The following TESPA1 variants were observed in gnomAD, a reference collection of about 807,000 sequenced individuals.
TESPA1 encodes thymocyte expressed, positive selection associated 1, also known as protein TESPA1.
A neutral mutation model predicts 57.9 loss-of-function variants in TESPA1; 33 were observed. That is an observed-to-expected ratio of 0.57 (90% confidence interval 0.43 to 0.76). The LOEUF (loss-of-function observed/expected upper bound fraction) is 0.76, where lower values mean the gene tolerates loss of function less well. Ranked by LOEUF, TESPA1 falls within the 30% of genes least tolerant of loss-of-function variation. TESPA1 has a pLI of 0.00. For synonymous variants in TESPA1, 227 were observed against 228.9 expected (o/e 0.99, Z 0.07); for missense variants, 618 against 632.9 (o/e 0.98, Z 0.25).
intron 10 of TESPA1, among the ~76,000 whole-genome samples, chr12:54,955,872 T>C (rs1256159740): frequency 6.6e-6 from 1 of 152,212 alleles, no homozygotes. Flanking sequence ...AATTTCTTGA[T>C]GTCCTCCCAC....
intron 1 of TESPA1, among the ~76,000 whole-genome samples, chr12:54,982,965 G>C (rs560598410): frequency 6.6e-5 from 10 of 152,310 alleles, no homozygotes; most frequent in Admixed American, 5.9e-4. Flanking sequence ...AAGGCACACA[G>C]TACTGTGGGT....
At chr12:54,959,555 A>C (rs1054968071) in intron 10 of TESPA1, among the ~76,000 whole-genome samples, 3 of 152,234 alleles carry the variant, frequency 2.0e-5, no homozygotes, top group Admixed American at 6.5e-5. Context: ...AGACTGGTCC[A>C]TGCTGAGCAT....
intron 8 of TESPA1, 109 bp downstream of exon 8, chr12:54,963,633 C>A (rs1951228093): frequency 1.6e-6 from 2 of 1,219,510 alleles, no homozygotes; most frequent in South Asian, 1.5e-5. Flanking sequence ...ACACAATAGG[C>A]AAAGGGTTAA....
intron 4 of TESPA1, among the ~76,000 whole-genome samples, chr12:54,967,470 C>G (rs1951518814): frequency 6.6e-6 from 1 of 151,736 alleles, no homozygotes; most frequent in Non-Finnish European, 1.5e-5. Context: ...CACCTATAAC[C>G]TTTCCCCTAT....
At chr12:54,950,423 C>T (rs1171574172) in intron 10 of TESPA1, 33 bp from the exon 11 acceptor site, 1 of 435,926 alleles carries the variant, frequency 2.3e-6, no homozygotes, top group Admixed American at 2.5e-5. Context: ...ACATATCATG[C>T]ATTTTTTAAA....
intron 10 of TESPA1, among the ~76,000 whole-genome samples, chr12:54,957,585 T>C (rs1041434302): frequency 6.6e-6 from 1 of 152,212 alleles, no homozygotes; most frequent in Non-Finnish European, 1.5e-5. Context: ...AGAAATAGGT[T>C]ATAGCTTTGT....
intron 4 of TESPA1, 77 bp downstream of exon 4, chr12:54,967,766 A>C: frequency 6.6e-7 from 1 of 1,520,060 alleles, no homozygotes; most frequent in Non-Finnish European, 9.1e-7. Flanking sequence ...TATGTGCATA[A>C]ACACTCACAT....
chr12:54,968,517 A>G (rs1951594414), intron 3 of TESPA1, among the ~76,000 whole-genome samples: 1 of 152,260 alleles, frequency 6.6e-6, no homozygotes, highest in Non-Finnish European at 1.5e-5. Flanking sequence ...TTTACAAACA[A>G]GGAAGAAATT....
intron 10 of TESPA1, among the ~76,000 whole-genome samples, chr12:54,959,437 A>AT (rs1950944875): frequency 6.6e-6 from 1 of 152,120 alleles, no homozygotes; most frequent in Non-Finnish European, 1.5e-5. Flanking sequence ...ACACTAGGGG[A>AT]TTTTTCTCCA....
Position 54,962,771 on chromosome 12 carries a change from A to G in TESPA1, c.1127T>C (p.Leu376Pro), listed in dbSNP as rs867978279. 6 of 1,613,828 alleles carry G rather than the reference A, an allele frequency of 3.7e-6. No individual in the cohort carries two copies. The African/African-American group carries it at 8.0e-5, about 22-fold the overall frequency. ...CGAATCCAGAGTTTGGGATGGTGCT[A>G]GCACTGTGGACATCCTCTGCTGTGT... ...EETQQRMSTV[L>P]APSQTLDSNP... The change falls in exon 9 of 11, where the codon CTA becomes CCA. Residue 376 changes from leucine (L) to proline (P), a missense_variant. Coordinates refer to ENST00000449076, the MANE Select transcript of TESPA1 (RefSeq NM_001136030.3).
At chr12:54,961,025 A>T in intron 10 of TESPA1, 143 bp downstream of exon 10, 1 of 962,298 alleles carries the variant, frequency 1.0e-6, no homozygotes, top group Non-Finnish European at 1.6e-6. Context: ...CTGGAAGCTT[A>T]AAATAATTAG....
intron 1 of TESPA1, among the ~76,000 whole-genome samples, chr12:54,977,189 A>G (rs937177639): frequency 1.3e-5 from 2 of 152,102 alleles, no homozygotes; most frequent in Admixed American, 6.5e-5. Flanking sequence ...TGGGTCATTT[A>G]CTGCTGTGTT....
At chr12:54,984,791 A>G (rs1013287184), upstream of TESPA1, 3 of 152,436 alleles carry the variant, frequency 2.0e-5, no homozygotes, top group African/African-American at 7.2e-5. Flanking sequence ...ACATCCACAC[A>G]TGTAGATGCA....
At position 54,962,514 on chromosome 12, in the gene TESPA1, G is replaced by T. The variant is rs187244716; in HGVS notation, c.1384C>A (p.Gln462Lys). Residue 462 changes from glutamine (Q) to lysine (K), a missense_variant, in exon 9 of 11, where the codon CAG (glutamine) becomes AAG (lysine). Physicochemically the swap from Gln to Lys is moderately conservative, Grantham distance 53 (BLOSUM62 1). This residue lies in a region of TESPA1 where 409 missense variants were observed against 420.1 expected (regional missense o/e 0.97). Transcript: ENST00000449076. The stretch of plus-strand genomic sequence containing the variant: ...CTGTCTACACTCTGCTTCCATTTCT[G>T]CTGGGTGATGGACAGGTCCAAGGAC... Reference protein sequence around the residue: ...VKSLDLSITQQKWKQSVDRPE... With the variant: ...VKSLDLSITQKKWKQSVDRPE... 6.2e-7 allele frequency: 1 copy of T among 1,613,526 alleles called. No homozygotes were observed. Among genetic ancestry groups the T allele is most frequent in the East Asian group, 2.2e-5 (1 of 44,872 alleles).
At position 54,962,838 on chromosome 12, in the gene TESPA1, G is replaced by T. The variant is rs764336520; in HGVS notation, c.1060C>A (p.Pro354Thr). 1 of 1,613,800 alleles carries T rather than the reference G, an allele frequency of 6.2e-7. No individual in the cohort carries two copies. The highest frequency in any genetic ancestry group is 8.5e-7 in the Non-Finnish European group (1 of 1,179,798). The part of the protein sequence containing the change: ...PVPPAEGKKL[P>T]TSPYPCVFCC... ...AAGACACATGGATAGGGAGAAGTGG[G>T]CAACTTCTTACCCTCAGCAGGGGGC... The change falls in exon 9 of 11, where the codon CCC becomes ACC. Residue 354 changes from proline to threonine, a missense_variant. Physicochemically the swap from Pro to Thr is conservative, Grantham distance 38. This residue lies in a region of TESPA1 where 409 missense variants were observed against 420.1 expected (regional missense o/e 0.97). Transcript: ENST00000449076.
chr12:54,951,579 A>C (rs1446250844), intron 10 of TESPA1, among the ~76,000 whole-genome samples: 1 of 152,154 alleles, frequency 6.6e-6, no homozygotes, highest in Non-Finnish European at 1.5e-5. Flanking sequence ...AACATTTCTT[A>C]TTCACTTTTC....
Position 54,962,774 on chromosome 12 carries a change from A to G in TESPA1, c.1124T>C (p.Val375Ala). The G allele has an allele frequency of 6.2e-7, 1 of 1,613,940 alleles. No homozygotes were observed. Among genetic ancestry groups the G allele is most frequent in the South Asian group, 1.1e-5 (1 of 91,072 alleles). ...ATCCAGAGTTTGGGATGGTGCTAGC[A>G]CTGTGGACATCCTCTGCTGTGTTTC... ...EEETQQRMST[V>A]LAPSQTLDSN... The change falls in exon 9 of 11, where the codon GTG becomes GCG. Residue 375 changes from valine to alanine, a missense_variant. Physicochemically the swap from Val to Ala is moderately conservative, Grantham distance 64 (BLOSUM62 0). Around this residue, in one of 3 missense-constraint regions of TESPA1, gnomAD observed 409 missense variants for 420.1 expected, o/e 0.97. Coordinates refer to ENST00000449076, the MANE Select transcript of TESPA1 (RefSeq NM_001136030.3).
chr12:54,984,289 A>C (rs998212268), intron 1 of TESPA1: 1 of 152,198 alleles, frequency 6.6e-6, no homozygotes, highest in Non-Finnish European at 1.5e-5. Context: ...AAAGGTGAAA[A>C]AAAATTCCTA....
At position 54,949,367 on chromosome 12, in the gene TESPA1, C is replaced by A. The variant is rs1291408595; in HGVS notation, c.*1025G>T. ...TGATTTCCCTCAAATTCCCTCAAGT[C>A]CCTCTCTTCCTGTTTTTTTTTTTTT... On this transcript the variant is annotated 3_prime_UTR_variant, in exon 11 of 11. Coordinates refer to ENST00000449076, the MANE Select transcript of TESPA1 (RefSeq NM_001136030.3). The A allele has an allele frequency of 1.7e-5, 2 of 117,074 alleles. No homozygotes were observed. The highest frequency in any genetic ancestry group is 6.7e-5 in the African/African-American group (2 of 29,970). 7.3% of individuals were successfully genotyped at this position (117,074 alleles called of 1,614,324 possible).
Sources: gnomAD v4.1 joint callset for allele counts (sites outside exome capture counted in the v4.1 genomes callset) on GRCh38, gnomAD v4.1.1 for gene constraint, gnomAD v4.1.1 regional missense constraint, MANE v1.5 for transcripts, NCBI Gene and HGNC (gene_info 2026-07-23, HGNC 2026-07-21) for gene names.